Variants in MYLK4 observed in about 807,000 individuals in gnomAD.
MYLK4 encodes the protein caMLCK like.
A neutral mutation model predicts 48.1 loss-of-function variants in MYLK4; 46 were observed. That is an observed-to-expected ratio of 0.96 (90% CI 0.75 to 1.22). MYLK4 has a LOEUF of 1.22. MYLK4 is among the 50% of genes most tolerant of loss of function. MYLK4 has a pLI of 0.00. For synonymous variants in MYLK4, 170 were observed against 180.8 expected (o/e 0.94, Z 0.48); for missense variants, 451 against 486.1 (o/e 0.93, Z 0.68).
chr6:2,679,381 C>T lies in MYLK4; in HGVS notation c.786G>A (p.Val262=). ...CGAGAAATTCTGGGGTTCCAAAGTT[C>T]ACCTTCAGCTTCTCTCTGGGTTTGT... The part of the protein sequence containing the change: ...RRYKPREKLK[V]NFGTPEFLAP... Residue 262 remains valine, a synonymous_variant, in exon 9 of 13, where the codon GTG becomes GTA. Coordinates refer to ENST00000274643, the MANE Select transcript of MYLK4 (RefSeq NM_001012418.5). The T allele has an allele frequency of 6.2e-7, 1 of 1,614,140 alleles. No homozygotes were observed. The highest frequency in any genetic ancestry group is 8.5e-7 in the Non-Finnish European group (1 of 1,180,012).
rs371909024 is a variant in MYLK4 at position 2,688,850 on chromosome 6, C to T, written c.341+1G>A. The T allele has an allele frequency of 3.1e-6, 5 of 1,612,106 alleles. No homozygotes were observed. In the African/African-American group the frequency reaches 5.3e-5, roughly 17 times the overall value. ...GAATATTAACATTCAGCCTTACTCA[C>T]CCTCCTAGGATTTCTGTCTTGCTCA... On this transcript the variant is annotated splice_donor_variant, in intron 4 of 12. Transcript: ENST00000274643. LOFTEE classifies it high-confidence loss of function.
chr6:2,683,391 TTG>T (rs67359849), intron 6 of MYLK4, among the ~76,000 whole-genome samples: 2,541 of 126,518 alleles, frequency 0.02, 74 homozygotes, highest in Middle Eastern at 0.021. Context: ...CCCCACCTTT[TTG>T]TGTGTGTGTG....
chr6:2,761,155 G>A, the MYLK4 span, among the ~76,000 whole-genome samples: 33 of 152,226 alleles, frequency 2.2e-4, no homozygotes, highest in African/African-American at 7.5e-4. Flanking sequence ...TTACTGACAG[G>A]TCTATTTGAG....
chr6:2,711,652 C>G (rs903873380), intron 2 of MYLK4, among the ~76,000 whole-genome samples: 1 of 152,188 alleles, frequency 6.6e-6, no homozygotes, highest in African/African-American at 2.4e-5. Context: ...GACCTCACAG[C>G]AACACACTTT....
At chr6:2,697,821 T>C (rs929678246) in intron 2 of MYLK4, among the ~76,000 whole-genome samples, 2 of 152,230 alleles carry the variant, frequency 1.3e-5, no homozygotes, top group African/African-American at 4.8e-5. Flanking sequence ...TACGGACCCT[T>C]CTCTTCCCCT....
chr6:2,728,118 C>T (rs7766654), intron 2 of MYLK4, among the ~76,000 whole-genome samples: 39,072 of 151,874 alleles, frequency 0.26, 5,261 homozygotes, highest in Middle Eastern at 0.3. Flanking sequence ...GTCACTGAGG[C>T]AGTAGGTAGC....
At chr6:2,695,187 T>G (rs903795655) in intron 2 of MYLK4, among the ~76,000 whole-genome samples, 1 of 152,070 alleles carries the variant, frequency 6.6e-6, no homozygotes, top group African/African-American at 2.4e-5. Context: ...GTTTTATAAC[T>G]GTCTTTCAGT....
At chr6:2,766,552 C>T in the MYLK4 span, 208 of 1,413,992 alleles carry the variant, frequency 1.5e-4, no homozygotes, top group Non-Finnish European at 1.9e-4. Flanking sequence ...CCTGCCTCTC[C>T]TGGATAAGGG....
intron 9 of MYLK4, among the ~76,000 whole-genome samples, chr6:2,678,710 A>AGTTTTTTT (rs1761179125): frequency 1.7e-5 from 2 of 119,124 alleles, no homozygotes; most frequent in Non-Finnish European, 3.5e-5. Flanking sequence ...TTAGGAGATC[A>AGTTTTTTT]GTTTTTTTTT....
At chr6:2,686,005 T>C (rs111305924) in intron 4 of MYLK4, among the ~76,000 whole-genome samples, 3,452 of 148,674 alleles carry the variant, frequency 0.023, 58 homozygotes, top group Non-Finnish European at 0.032. Flanking sequence ...GAGGCGGAGG[T>C]TGCAGTGGGC....
chr6:2,764,338 G>A, the MYLK4 span, among the ~76,000 whole-genome samples: 2 of 152,124 alleles, frequency 1.3e-5, no homozygotes, highest in East Asian at 3.9e-4. Flanking sequence ...AGGGTCCCGG[G>A]CGCCCAGGAG....
At chr6:2,763,140 T>C in the MYLK4 span, among the ~76,000 whole-genome samples, 1 of 152,198 alleles carries the variant, frequency 6.6e-6, no homozygotes, top group Non-Finnish European at 1.5e-5. Flanking sequence ...TGGTCTGATT[T>C]GACAGGGTGC....
At position 2,683,149 on chromosome 6, in the gene MYLK4, C is replaced by T. The variant is rs753780621; in HGVS notation, c.559G>A (p.Glu187Lys). Reference protein sequence around the residue: ...VLVMEYVDGGELFDRIIDESY... With the variant: ...VLVMEYVDGGKLFDRIIDESY... Reference sequence around the variant, plus strand: ...TCATCGATGATGCGGTCAAACAGCTCCCCACCATCCACACTGCAGAGGGAA... The same window carrying T: ...TCATCGATGATGCGGTCAAACAGCTTCCCACCATCCACACTGCAGAGGGAA... The change falls in exon 7 of 13, where the codon GAG becomes AAG. Residue 187 changes from glutamate to lysine, a missense_variant. Coordinates refer to ENST00000274643, the MANE Select transcript of MYLK4 (RefSeq NM_001012418.5). 7 of 1,614,128 alleles carry T rather than the reference C, an allele frequency of 4.3e-6. No individual in the cohort carries two copies. The highest frequency in any genetic ancestry group is 1.7e-5 in the Admixed American group (1 of 60,020).
chr6:2,707,730 T>C (rs905858314), intron 2 of MYLK4, among the ~76,000 whole-genome samples: 1 of 152,188 alleles, frequency 6.6e-6, no homozygotes, highest in African/African-American at 2.4e-5. Context: ...TTTTTTCTTT[T>C]GAATTTTAAA....
intron 2 of MYLK4, among the ~76,000 whole-genome samples, chr6:2,730,023 C>T (rs374280056): frequency 2.6e-5 from 4 of 152,218 alleles, no homozygotes; most frequent in South Asian, 4.1e-4. Flanking sequence ...GATCTGGGGT[C>T]TTTCAGATAA....
At chr6:2,766,185 A>G in the MYLK4 span, 8 of 1,384,302 alleles carry the variant, frequency 5.8e-6, no homozygotes, top group Non-Finnish European at 7.5e-6. Context: ...GACCCGGGGC[A>G]CTGGGACGCG....
intron 12 of MYLK4, among the ~76,000 whole-genome samples, chr6:2,670,690 G>C (rs1366649043): frequency 6.6e-6 from 1 of 152,128 alleles, no homozygotes; most frequent in Non-Finnish European, 1.5e-5. Context: ...GTGGAGGTCC[G>C]CATGTGTCAG....
At position 2,675,847 on chromosome 6, in the gene MYLK4, C is replaced by T. The variant is rs143094671; in HGVS notation, c.1041-722G>A. ...ATGGCTCATGCCTGTAATCCCAGCA[C>T]TTTGGGAGGCCGAGGCGGGTGGATC... is the stretch of plus-strand genomic sequence containing the variant. On this transcript the variant is annotated intron_variant, in intron 10 of 12. Transcript: ENST00000274643. Among the ~76,000 whole-genome samples the T allele has an allele frequency of 4.5e-4, 68 of 152,224 alleles. 2 individuals are homozygous for T. The East Asian group carries it at 0.013, about 29-fold the overall frequency.
At chr6:2,765,355 C>A in the MYLK4 span, 1 of 272,798 alleles carries the variant, frequency 3.7e-6, no homozygotes. Flanking sequence ...ACATGCCGCG[C>A]GAGGCGCCTC....
Sources: allele counts gnomAD v4.1 joint callset (sites outside exome capture counted in the v4.1 genomes callset), GRCh38; gene constraint gnomAD v4.1.1; transcripts MANE v1.5; gene names NCBI Gene and HGNC (gene_info 2026-07-23, HGNC 2026-07-21).